The following HERC3 variants were observed in gnomAD, a reference collection of about 807,000 sequenced individuals.
HERC3 encodes probable E3 ubiquitin-protein ligase HERC3.
Under a neutral mutation model 129.9 loss-of-function variants are expected in HERC3, and 58 were observed. That is an observed-to-expected ratio of 0.45 (90% CI 0.36 to 0.56). The LOEUF is 0.56. Ranked by LOEUF, HERC3 falls within the 20% of genes least tolerant of loss-of-function variation. HERC3 has a pLI of 0.00. For synonymous variants in HERC3, 430 were observed against 451.0 expected (o/e 0.95, Z 0.59); for missense variants, 835 against 1,244.2 (o/e 0.67, Z 4.95).
At chr4:88,554,395 G>T in the HERC3 span, among the ~76,000 whole-genome samples, 2 of 150,054 alleles carry the variant, frequency 1.3e-5, no homozygotes, top group Admixed American at 1.3e-4. Flanking sequence ...TATAGATTAA[G>T]TGACAAGAGG....
At chr4:88,703,821 T>A (rs2149350740) in intron 23 of HERC3, among the ~76,000 whole-genome samples, 1 of 152,314 alleles carries the variant, frequency 6.6e-6, no homozygotes, top group Non-Finnish European at 1.5e-5. Context: ...ATACCTCAGG[T>A]AAAGCCAGTA....
intron 3 of HERC3, among the ~76,000 whole-genome samples, chr4:88,647,808 CTTTT>C (rs201939681): frequency 1.5e-5 from 2 of 135,366 alleles, no homozygotes; most frequent in African/African-American, 2.7e-5. Context: ...AACTCTTTAG[CTTTT>C]TTTTTTTTTT....
the HERC3 span, among the ~76,000 whole-genome samples, chr4:88,580,756 T>A: frequency 1.3e-5 from 2 of 152,182 alleles, no homozygotes; most frequent in Non-Finnish European, 2.9e-5. Flanking sequence ...AATTCTCTTC[T>A]ATGAGAGAAT....
chr4:88,579,600 TTGAACTAGTTCAG>T, the HERC3 span, among the ~76,000 whole-genome samples: 2 of 152,126 alleles, frequency 1.3e-5, no homozygotes, highest in African/African-American at 4.8e-5. Context: ...TTAGGAAATG[TTGAACTAGTTCAG>T]TGGTACAGAT....
chr4:88,548,587 C>A, the HERC3 span, among the ~76,000 whole-genome samples: 1 of 150,982 alleles, frequency 6.6e-6, no homozygotes, highest in Admixed American at 6.6e-5. Context: ...TTATTGAGTT[C>A]TATATATTCT....
Position 88,652,929 on chromosome 4 carries a change from T to C in HERC3, c.524T>C (p.Phe175Ser), listed in dbSNP as rs1005175279. ...SHGQLGLGKEFPSQASPQRVR... is the reference protein window; with the variant it reads ...SHGQLGLGKESPSQASPQRVR... ...GGGCAGCTTGGCTTAGGGAAGGAGTTCCCCTCCCAAGCCAGCCCACAGAGG... is the reference window on the plus strand; with the variant it reads ...GGGCAGCTTGGCTTAGGGAAGGAGTCCCCCTCCCAAGCCAGCCCACAGAGG... Residue 175 changes from phenylalanine to serine, a missense_variant, in exon 6 of 26, where the codon TTC (phenylalanine) becomes TCC (serine). Phe to Ser is a radical substitution (Grantham distance 155). Coordinates refer to ENST00000402738, the MANE Select transcript of HERC3 (RefSeq NM_014606.3). 3 of 1,613,912 alleles carry C rather than the reference T, an allele frequency of 1.9e-6. No homozygotes were observed. The highest frequency in any genetic ancestry group is 2.7e-5 in the African/African-American group (2 of 75,030).
chr4:88,560,250 A>C, the HERC3 span, among the ~76,000 whole-genome samples: 1 of 152,070 alleles, frequency 6.6e-6, no homozygotes, highest in Non-Finnish European at 1.5e-5. Context: ...ATGAGCCACC[A>C]CGCCTGGCCA....
chr4:88,695,431 C>T (rs540837920), intron 23 of HERC3, among the ~76,000 whole-genome samples: 1 of 152,182 alleles, frequency 6.6e-6, no homozygotes, highest in South Asian at 2.1e-4. Context: ...ATGAAGCAAA[C>T]ATAAAGTTGA....
chr4:88,604,215 C>T (rs1723360628), intron 2 of HERC3, among the ~76,000 whole-genome samples: 1 of 152,186 alleles, frequency 6.6e-6, no homozygotes, highest in Non-Finnish European at 1.5e-5. Context: ...GATGGGGTCT[C>T]CCCATGTTGG....
At chr4:88,530,483 G>A in the HERC3 span, among the ~76,000 whole-genome samples, 1 of 152,172 alleles carries the variant, frequency 6.6e-6, no homozygotes, top group Non-Finnish European at 1.5e-5. Context: ...GGCCTAAGGA[G>A]GGCTTAGGGG....
At chr4:88,526,226 T>C in the HERC3 span, among the ~76,000 whole-genome samples, 356 of 152,306 alleles carry the variant, frequency 2.3e-3, 2 homozygotes, top group African/African-American at 8.2e-3. Flanking sequence ...GAAATGGAAT[T>C]TTTCTAATTT....
At chr4:88,591,803 A>G (rs901651215), upstream of HERC3, among the ~76,000 whole-genome samples, 7 of 152,208 alleles carry the variant, frequency 4.6e-5, no homozygotes, top group Non-Finnish European at 7.4e-5. Context: ...TTCAGATTAC[A>G]AGATTTTAAG....
chr4:88,568,231 C>T, the HERC3 span, among the ~76,000 whole-genome samples: 3 of 152,220 alleles, frequency 2.0e-5, no homozygotes, highest in South Asian at 4.1e-4. Context: ...AGACCTGAAG[C>T]CAGCACAGCA....
intron 3 of HERC3, among the ~76,000 whole-genome samples, chr4:88,612,727 ATTTAT>A (rs1261763028): frequency 6.6e-6 from 1 of 152,104 alleles, no homozygotes; most frequent in Non-Finnish European, 1.5e-5. Flanking sequence ...TTGTCCATGA[ATTTAT>A]TTTATAATTT....
the HERC3 span, among the ~76,000 whole-genome samples, chr4:88,577,548 T>G: frequency 6.6e-6 from 1 of 150,932 alleles, no homozygotes; most frequent in South Asian, 2.1e-4. Flanking sequence ...GACTAAACTG[T>G]TTTTTGCATT....
the HERC3 span, among the ~76,000 whole-genome samples, chr4:88,531,759 G>T: frequency 6.6e-6 from 1 of 152,224 alleles, no homozygotes; most frequent in African/African-American, 2.4e-5. Flanking sequence ...TGAGCTTCCT[G>T]CAGCAGGGAG....
chr4:88,646,430 C>G (rs954261800), intron 3 of HERC3, among the ~76,000 whole-genome samples: 3 of 152,196 alleles, frequency 2.0e-5, no homozygotes, highest in African/African-American at 7.2e-5. Context: ...ATGACTTGTT[C>G]AGAACTGGAA....
At chr4:88,602,429 A>G in intron 2 of HERC3, among the ~76,000 whole-genome samples, 1 of 146,404 alleles carries the variant, frequency 6.8e-6, no homozygotes, top group Non-Finnish European at 1.5e-5. Context: ...AAAAAAAAGT[A>G]TGTTTGGAAA....
At chr4:88,622,546 T>C (rs1401798157) in intron 3 of HERC3, among the ~76,000 whole-genome samples, 1 of 152,228 alleles carries the variant, frequency 6.6e-6, no homozygotes, top group Non-Finnish European at 1.5e-5. Flanking sequence ...GTTTAGCCTT[T>C]GAAGGAACCT....
Sources: gnomAD v4.1 joint callset for allele counts (sites outside exome capture counted in the v4.1 genomes callset) on GRCh38, gnomAD v4.1.1 for gene constraint, MANE v1.5 for transcripts, NCBI Gene and HGNC (gene_info 2026-07-23, HGNC 2026-07-21) for gene names.